Variants in TRNAU1AP observed in about 807,000 individuals in gnomAD.
TRNAU1AP encodes tRNA selenocysteine 1-associated protein 1.
Under a neutral mutation model 43.3 loss-of-function variants are expected in TRNAU1AP, and 33 were observed. That is an observed-to-expected ratio of 0.76 (90% CI 0.58 to 1.02). The LOEUF is 1.02. Among genes scored for constraint, TRNAU1AP ranks in the 50% least tolerant of loss-of-function variants. TRNAU1AP has a pLI of 0.00. For missense variants in TRNAU1AP, 290 were observed against 362.7 expected (o/e 0.80, Z 1.63); for synonymous variants, 143 against 129.1 (o/e 1.11, Z -0.73).
rs190335552 is a variant in TRNAU1AP, at chr1:28,563,361, A to G, written c.279-1342A>G. Among the ~76,000 whole-genome samples, 345 of 152,002 alleles carry G rather than the reference A, an allele frequency of 2.3e-3. 1 individual carries two copies. The highest frequency in any genetic ancestry group is 6.8e-3 in the Middle Eastern group (2 of 294). ...TCAGGAGTTTGAGGCCAGCCTGACC[A>G]ACATAGAGAAACCCCGTCTCTACTA... On this transcript the variant is annotated intron_variant, in intron 4 of 8. Transcript: ENST00000373830.
chr1:28,576,593 A>C (rs1318135789), intron 8 of TRNAU1AP, among the ~76,000 whole-genome samples: 1 of 151,380 alleles, frequency 6.6e-6, no homozygotes, highest in African/African-American at 2.4e-5. Flanking sequence ...CTGGGATTAC[A>C]GGCGTGAGCC....
chr1:28,575,061 G>GT (rs1189484135), intron 8 of TRNAU1AP, among the ~76,000 whole-genome samples: 1 of 152,166 alleles, frequency 6.6e-6, no homozygotes, highest in African/African-American at 2.4e-5. Context: ...GTCTCTAGTT[G>GT]TTTCCCCCTG....
At position 28,560,687 on chromosome 1, in the gene TRNAU1AP, G is replaced by A. The variant is rs201097715; in HGVS notation, c.180G>A (p.Lys60=). The change falls in exon 3 of 9, where the codon AAG becomes AAA. Residue 60 remains lysine (K), a synonymous_variant. Transcript: ENST00000373830. The stretch of plus-strand genomic sequence containing the variant: ...TTGCAGATTTGGCCACAGCTGAGAA[G>A]TGTTTGCATAAAATTAATGGGAAAC... ...VEFADLATAE[K]CLHKINGKPL... The A allele has an allele frequency of 5.6e-6, 9 of 1,614,190 alleles. No individual in the cohort carries two copies. The African/African-American group carries it at 9.3e-5, about 17-fold the overall frequency.
At chr1:28,571,494 A>G (rs1665660590) in intron 7 of TRNAU1AP, among the ~76,000 whole-genome samples, 156 bp downstream of exon 7, 1 of 152,066 alleles carries the variant, frequency 6.6e-6, no homozygotes, top group Non-Finnish European at 1.5e-5. Flanking sequence ...AAAATAAGCC[A>G]TTGTGGGTAG....
intron 8 of TRNAU1AP, among the ~76,000 whole-genome samples, chr1:28,572,923 A>C (rs1665692836): frequency 6.6e-6 from 1 of 150,826 alleles, no homozygotes; most frequent in Non-Finnish European, 1.5e-5. Flanking sequence ...AGACAGAGCG[A>C]GACTCCGTCT....
At position 28,577,647 on chromosome 1, in the gene TRNAU1AP, G is replaced by T. The variant is rs1468713145; in HGVS notation, c.*11G>T. ...CCTGCCATGATGTAGCCAGGCCAAA[G>T]GACAAGCCAGGTTGCATGATGTGAG... is the stretch of plus-strand genomic sequence containing the variant. On this transcript the variant is annotated 3_prime_UTR_variant, in exon 9 of 9. Coordinates refer to ENST00000373830, the MANE Select transcript of TRNAU1AP (RefSeq NM_017846.5). 1 of 1,610,504 alleles carries T rather than the reference G, an allele frequency of 6.2e-7. No individual in the cohort carries two copies. The highest frequency in any genetic ancestry group is 2.2e-5 in the East Asian group (1 of 44,816).
At chr1:28,558,062 ATTTTTTTTT>A (rs998976595) in intron 2 of TRNAU1AP, among the ~76,000 whole-genome samples, 2 of 122,114 alleles carry the variant, frequency 1.6e-5, no homozygotes, top group East Asian at 2.3e-4. Flanking sequence ...TGCCTGGCTA[ATTTTTTTTT>A]TTTTTTTTTT....
intron 2 of TRNAU1AP, among the ~76,000 whole-genome samples, chr1:28,560,103 C>CATAA (rs752299269): frequency 1.7e-3 from 265 of 152,072 alleles, no homozygotes; most frequent in Admixed American, 4.3e-3. Context: ...ATATCCGTCT[C>CATAA]ATAAATAAAT....
chr1:28,553,607 G>T (rs1264476166), intron 1 of TRNAU1AP, 33 bp from the exon 2 acceptor site: 1 of 1,606,262 alleles, frequency 6.2e-7, no homozygotes, highest in Admixed American at 1.7e-5. Context: ...CCCGGCCGCC[G>T]GCCTGAGCCG....
chr1:28,562,499 A>G (rs1368304276), intron 4 of TRNAU1AP, among the ~76,000 whole-genome samples: 1 of 152,246 alleles, frequency 6.6e-6, no homozygotes, highest in Non-Finnish European at 1.5e-5. Flanking sequence ...ACAAGAAAAG[A>G]CAAAAGTATA....
chr1:28,558,619 C>T (rs1665332237), intron 2 of TRNAU1AP, among the ~76,000 whole-genome samples: 1 of 142,976 alleles, frequency 7.0e-6, no homozygotes, highest in Non-Finnish European at 1.5e-5. Flanking sequence ...GGCTGGAGTG[C>T]AGTGGCGTGA....
intron 1 of TRNAU1AP, chr1:28,553,428 G>C (rs1665178884): frequency 1.6e-6 from 1 of 623,544 alleles, no homozygotes; most frequent in Non-Finnish European, 2.9e-6. Flanking sequence ...GACCGGAGGA[G>C]TGGGGTTTCT....
chr1:28,578,455 A>G lies in TRNAU1AP; in HGVS notation c.*819A>G, dbSNP rs1056736979. ...CCAAAGATCTCTTTAAGGGCTGGGC[A>G]TGGTGGCTCACTTTGGGAGATGGAT... On this transcript the variant is annotated 3_prime_UTR_variant, in exon 9 of 9. Transcript: ENST00000373830. The G allele has an allele frequency of 3.7e-6, 1 of 270,342 alleles. No individual in the cohort carries two copies. The highest frequency in any genetic ancestry group is 7.4e-6 in the Non-Finnish European group (1 of 135,376). 16.7% of individuals were successfully genotyped at this position (270,342 alleles called of 1,614,324 possible).
At chr1:28,558,040 CAT>C (rs1665313264) in intron 2 of TRNAU1AP, among the ~76,000 whole-genome samples, 1 of 149,512 alleles carries the variant, frequency 6.7e-6, no homozygotes. Flanking sequence ...GGATTACAGT[CAT>C]GTGCCACTAT....
rs368286631 is a variant in TRNAU1AP, at chr1:28,560,752, G to A, written c.225+20G>A. On this transcript the variant is annotated intron_variant, in intron 3 of 8. Coordinates refer to ENST00000373830, the MANE Select transcript of TRNAU1AP (RefSeq NM_017846.5). Reference sequence around the variant, plus strand: ...ACACCTGTAAGGACATTTAGATAATGATGATGTTGCCATTATTATTGTCAT... The same window carrying A: ...ACACCTGTAAGGACATTTAGATAATAATGATGTTGCCATTATTATTGTCAT... 3.2e-6 allele frequency: 5 copies of A among 1,552,658 alleles called. No individual in the cohort carries two copies. The Admixed American group carries it at 8.4e-5, about 26-fold the overall frequency.
Position 28,568,487 on chromosome 1 carries a change from C to T in TRNAU1AP, c.530+1074C>T, listed in dbSNP as rs144972858. 4.5e-3 allele frequency among the ~76,000 whole-genome samples: 680 copies of T among 152,272 alleles called. 24 individuals carry two copies. The highest frequency in any genetic ancestry group is 0.01 in the East Asian group (53 of 5,184). On this transcript the variant is annotated intron_variant, in intron 6 of 8. Coordinates refer to ENST00000373830, the MANE Select transcript of TRNAU1AP (RefSeq NM_017846.5). ...ATAGGGTCTTGCTTTGTTGCCCAGG[C>T]TGGTTTCGAATTCCTGGGCTCAAGC...
In TRNAU1AP at chr1:28,577,480, C is replaced by T. The variant is rs746965146; in HGVS notation, c.728-20C>T. Reference sequence around the variant, plus strand: ...AGCTGTCCCTAGACTTCCCTGACCCCATCCTTGCTTGCTTTCCAGACCCCA... The same window carrying T: ...AGCTGTCCCTAGACTTCCCTGACCCTATCCTTGCTTGCTTTCCAGACCCCA... On this transcript the variant is annotated intron_variant, in intron 8 of 8. Coordinates refer to ENST00000373830, the MANE Select transcript of TRNAU1AP (RefSeq NM_017846.5). 20 of 1,612,704 alleles carry T rather than the reference C, an allele frequency of 1.2e-5. No individual in the cohort carries two copies. Among genetic ancestry groups the T allele is most frequent in the Admixed American group, 6.7e-5 (4 of 59,892 alleles).
chr1:28,555,757 C>T lies in TRNAU1AP; in HGVS notation c.125+2020C>T, dbSNP rs539211837. On this transcript the variant is annotated intron_variant, in intron 2 of 8. Transcript: ENST00000373830. ...AGGTTTTTCTGACTGGTAGATCGTGCCCACCTAAATATTTCTCTTCTTGCT... is the reference window on the plus strand; with the variant it reads ...AGGTTTTTCTGACTGGTAGATCGTGTCCACCTAAATATTTCTCTTCTTGCT... Among the ~76,000 whole-genome samples the T allele has an allele frequency of 5.9e-5, 9 of 152,222 alleles. No homozygotes were observed. In the South Asian group the frequency reaches 1.9e-3, roughly 32 times the overall value.
At chr1:28,561,442 G>A in intron 4 of TRNAU1AP, 44 bp downstream of exon 4, 1 of 1,610,788 alleles carries the variant, frequency 6.2e-7, no homozygotes, top group Non-Finnish European at 8.5e-7. Context: ...ATGTGTCACT[G>A]TGCCTGTCAC....
Sources: gnomAD v4.1 joint callset for allele counts (sites outside exome capture counted in the v4.1 genomes callset) on GRCh38, gnomAD v4.1.1 for gene constraint, MANE v1.5 for transcripts, NCBI Gene and HGNC (gene_info 2026-07-23, HGNC 2026-07-21) for gene names.